GCAT: variants seen among roughly 807,000 people sequenced by gnomAD.
GCAT encodes glycine C-acetyltransferase, also known as 2-amino-3-ketobutyrate coenzyme A ligase, mitochondrial.
In GCAT, 26 loss-of-function variants were observed where a neutral mutation model predicts 39.7. The ratio of observed to expected loss-of-function variants is 0.65; its 90% CI spans 0.48 to 0.91. The LOEUF is 0.91. GCAT is among the 40% of genes least tolerant of loss of function. The pLI, the probability that GCAT is intolerant of heterozygous loss-of-function variation, is 0.00. For synonymous variants in GCAT, 218 were observed against 237.2 expected (o/e 0.92, Z 0.74); for missense variants, 550 against 576.2 (o/e 0.95, Z 0.47).
At chr22:37,813,683 A>G in intron 4 of GCAT, 74 bp downstream of exon 4, 2 of 1,360,396 alleles carry the variant, frequency 1.5e-6, no homozygotes, top group East Asian at 4.7e-5. Flanking sequence ...CCAACTCCTC[A>G]CTCACAGAGA....
At chr22:37,815,551 T>C in intron 6 of GCAT, 51 bp downstream of exon 6, 1 of 1,534,390 alleles carries the variant, frequency 6.5e-7, no homozygotes, top group South Asian at 1.1e-5. Flanking sequence ...TGAAGGGCCC[T>C]GGAGGGGCTC....
intron 2 of GCAT, among the ~76,000 whole-genome samples, chr22:37,810,573 G>A (rs561093982): frequency 6.7e-6 from 1 of 149,078 alleles, no homozygotes; most frequent in Admixed American, 6.7e-5. Flanking sequence ...CTGGAGTGCG[G>A]TGGCATGATC....
At chr22:37,815,393 A>G (rs1242593537) in intron 5 of GCAT, 25 bp from the exon 6 acceptor site, 1 of 1,604,492 alleles carries the variant, frequency 6.2e-7, no homozygotes, top group Admixed American at 1.7e-5. Flanking sequence ...GAGGCCAGTG[A>G]CAGCAGCGGT....
At chr22:37,809,974 C>T (rs752381199) in intron 1 of GCAT, 53 bp from the exon 2 acceptor site, 3 of 1,603,094 alleles carry the variant, frequency 1.9e-6, no homozygotes, top group Middle Eastern at 1.6e-4. Context: ...TCTTTCCAGG[C>T]CTGCCCTTGC....
chr22:37,813,635 C>T (rs755892157), intron 4 of GCAT, 26 bp downstream of exon 4: 2 of 1,571,602 alleles, frequency 1.3e-6, no homozygotes, highest in Non-Finnish European at 1.7e-6. Flanking sequence ...GGTCCACCCT[C>T]AGCCTCCGCC....
intron 2 of GCAT, among the ~76,000 whole-genome samples, chr22:37,811,474 CTG>C (rs1384649315): frequency 3.8e-5 from 4 of 105,382 alleles, no homozygotes; most frequent in Non-Finnish European, 5.3e-5. Flanking sequence ...GAGTGAGACT[CTG>C]TCTCAAAAAA....
intron 4 of GCAT, 140 bp downstream of exon 4, chr22:37,813,749 C>A: frequency 1.4e-6 from 1 of 734,246 alleles, no homozygotes; most frequent in Non-Finnish European, 2.2e-6. Context: ...CCAGATCCCT[C>A]ACACCCAGAG....
intron 2 of GCAT, among the ~76,000 whole-genome samples, chr22:37,812,606 A>G (rs576261857): frequency 6.6e-6 from 1 of 152,208 alleles, no homozygotes; most frequent in Non-Finnish European, 1.5e-5. Context: ...AGGAAGACAC[A>G]TCTTTCTTCT....
chr22:37,808,108 G>A lies in GCAT; in HGVS notation c.141G>A (p.Glu47=). ...GCGGAGCTGGCACTTGGAAGAGTGA[G>A]CGGGTCATCACGTCCCGTCAGGGGC... is the stretch of plus-strand genomic sequence containing the variant. ...GIRGAGTWKS[E]RVITSRQGPH... The change falls in exon 1 of 9, where the codon GAG becomes GAA. Residue 47 remains glutamate, a synonymous_variant. Transcript: ENST00000248924. The A allele has an allele frequency of 6.4e-7, 1 of 1,568,188 alleles. No homozygotes were observed. The highest frequency in any genetic ancestry group is 8.6e-7 in the Non-Finnish European group (1 of 1,159,592).
At chr22:37,810,231 T>A in intron 2 of GCAT, 74 bp downstream of exon 2, 1 of 1,143,358 alleles carries the variant, frequency 8.7e-7, no homozygotes, top group Non-Finnish European at 1.3e-6. Context: ...AAGGCTGGTT[T>A]AGCCAGCTCA....
At chr22:37,809,955 G>T in intron 1 of GCAT, 72 bp from the exon 2 acceptor site, 1 of 1,583,526 alleles carries the variant, frequency 6.3e-7, no homozygotes, top group South Asian at 1.1e-5. Context: ...CCAGGGCCTG[G>T]CACTGTCATC....
rs902431090 is a variant in GCAT at position 37,813,696 on chromosome 22, G to C, written c.576+87G>C. On this transcript the variant is annotated intron_variant, in intron 4 of 8. Coordinates refer to ENST00000248924, the MANE Select transcript of GCAT (RefSeq NM_014291.4). Reference sequence around the variant, plus strand: ...GGCCAACTCCTCACTCACAGAGATAGCCTGAAAGTTTGAAACAGCAGAGAT... The same window carrying C: ...GGCCAACTCCTCACTCACAGAGATACCCTGAAAGTTTGAAACAGCAGAGAT... 1.1e-5 allele frequency: 14 copies of C among 1,274,446 alleles called. No homozygotes were observed. In the African/African-American group the frequency reaches 1.9e-4, roughly 18 times the overall value. 78.9% of individuals were successfully genotyped at this position (1,274,446 alleles called of 1,614,324 possible).
chr22:37,814,172 C>G (rs895048048), intron 4 of GCAT, among the ~76,000 whole-genome samples: 3 of 152,192 alleles, frequency 2.0e-5, no homozygotes, highest in African/African-American at 4.8e-5. Context: ...GCAGTCATAG[C>G]TCACTGCAGC....
chr22:37,816,121 C>G (rs1601704606), intron 7 of GCAT, 79 bp from the exon 8 acceptor site: 3 of 1,534,516 alleles, frequency 2.0e-6, no homozygotes, highest in East Asian at 2.3e-5. Context: ...TGGGCATAGA[C>G]CTCGGGCCTG....
In GCAT at chr22:37,812,999, G is replaced by A. The variant is rs1326325353; in HGVS notation, c.429+11G>A. On this transcript the variant is annotated intron_variant, in intron 3 of 8. Transcript: ENST00000248924. ...GCCGGCCTCTTTGAGGTGTGTGGAAGCTGTCCTGCGGGTGAGGGTTGGTGG... is the reference window on the plus strand; with the variant it reads ...GCCGGCCTCTTTGAGGTGTGTGGAAACTGTCCTGCGGGTGAGGGTTGGTGG... The A allele has an allele frequency of 6.3e-7, 1 of 1,590,026 alleles. No individual in the cohort carries two copies. Among genetic ancestry groups the A allele is most frequent in the Non-Finnish European group, 8.6e-7 (1 of 1,158,210 alleles).
rs768248986 is a variant in GCAT at position 37,807,975 on chromosome 22, C to T, written c.8C>T (p.Pro3Leu). Reference protein sequence around the residue: MWPGNAWRAALFW... With the variant: MWLGNAWRAALFW... ...TCGGGCGAGGTAGGAGCGATGTGGC[C>T]TGGGAACGCCTGGCGCGCCGCACTC... is the stretch of plus-strand genomic sequence containing the variant. Residue 3 changes from proline (P) to leucine (L), a missense_variant, in exon 1 of 9, where the codon CCT becomes CTT. Physicochemically the swap from Pro to Leu is moderately conservative, Grantham distance 98. Around this residue, in one of 3 missense-constraint regions of GCAT, gnomAD observed 154 missense variants for 141.9 expected, o/e 1.08. Coordinates refer to ENST00000248924, the MANE Select transcript of GCAT (RefSeq NM_014291.4). 5.0e-5 allele frequency: 77 copies of T among 1,533,380 alleles called. No homozygotes were observed. The highest frequency in any genetic ancestry group is 2.2e-4 in the Middle Eastern group (1 of 4,586). 95.0% of individuals were successfully genotyped at this position (1,533,380 alleles called of 1,614,324 possible).
chr22:37,810,192 AC>A (rs1247723092), intron 2 of GCAT, 35 bp downstream of exon 2: 1 of 1,464,968 alleles, frequency 6.8e-7, no homozygotes, highest in Non-Finnish European at 9.6e-7. Context: ...GTGGGGACTG[AC>A]CCCAGCTGCC....
intron 4 of GCAT, among the ~76,000 whole-genome samples, chr22:37,814,339 C>T (rs1921926862): frequency 6.6e-6 from 1 of 152,198 alleles, no homozygotes; most frequent in African/African-American, 2.4e-5. Flanking sequence ...TCTCAGCTCA[C>T]TGAAACCTCT....
chr22:37,816,916 T>C, downstream of GCAT: 2 of 591,914 alleles, frequency 3.4e-6, no homozygotes, highest in Non-Finnish European at 6.0e-6. Flanking sequence ...TCTGCTTTAT[T>C]GTCTCTGGGC....
Sources: gnomAD v4.1 joint callset for allele counts (sites outside exome capture counted in the v4.1 genomes callset) on GRCh38, gnomAD v4.1.1 for gene constraint, gnomAD v4.1.1 regional missense constraint, MANE v1.5 for transcripts, NCBI Gene and HGNC (gene_info 2026-07-23, HGNC 2026-07-21) for gene names.